Variants in MN1 observed in about 807,000 individuals in gnomAD.
MN1 encodes MN1 proto-oncogene, transcriptional regulator.
A neutral mutation model predicts 86.9 loss-of-function variants in MN1; 19 were observed. The observed-to-expected ratio is 0.22, with a 90% CI of 0.15 to 0.32. The LOEUF (loss-of-function observed/expected upper bound fraction) is 0.32, where lower values mean the gene tolerates loss of function less well. Ranked by LOEUF, MN1 falls within the 10% of genes least tolerant of loss-of-function variation. The probability of loss-of-function intolerance (pLI) is 1.00; values close to 1 mark genes in which losing one functional copy is unlikely to be tolerated. For missense variants in MN1, 1,841 were observed against 1,862.0 expected, an observed-to-expected ratio of 0.99 and a Z score of 0.21; for synonymous variants, 928 against 849.6, an observed-to-expected ratio of 1.09 and a Z score of -1.60.
chr22:27,776,206 G>A (rs1254260894), intron 1 of MN1, among the ~76,000 whole-genome samples: 1 of 152,194 alleles, frequency 6.6e-6, no homozygotes, highest in Non-Finnish European at 1.5e-5. Context: ...CTCTTCCTGG[G>A]GGAGGCTCTG....
chr22:27,751,177 G>C, intron 1 of MN1, 81 bp from the exon 2 acceptor site: 1 of 1,280,566 alleles, frequency 7.8e-7, no homozygotes, highest in South Asian at 1.6e-5. Flanking sequence ...AAGTGGCAGA[G>C]GCATACAAGA....
At position 27,800,897 on chromosome 22, in the gene MN1, G is replaced by T; in HGVS notation, c.-354C>A. The T allele has an allele frequency of 7.5e-6, 3 of 399,332 alleles. No individual in the cohort carries two copies. The highest frequency in any genetic ancestry group is 1.4e-5 in the Non-Finnish European group (3 of 216,938). 24.7% of individuals were successfully genotyped at this position (399,332 alleles called of 1,614,324 possible). A position where few individuals can be genotyped will look rare whatever the true frequency, so the allele number is the denominator to read the frequency against. ...ACGGAGACAAAAAGTTAAGTGGGGG[G>T]AATGGGGAGGGAAGGGGGTTGGGAG... is the stretch of plus-strand genomic sequence containing the variant. On this transcript the variant is annotated 5_prime_UTR_variant, in exon 1 of 2. Coordinates refer to ENST00000302326, the MANE Select transcript of MN1 (RefSeq NM_002430.3).
chr22:27,753,953 A>G (rs1480556021), intron 1 of MN1, among the ~76,000 whole-genome samples: 1 of 152,070 alleles, frequency 6.6e-6, no homozygotes, highest in Non-Finnish European at 1.5e-5. Flanking sequence ...CCACAGAGAG[A>G]GAGAAAGAGA....
intron 1 of MN1, among the ~76,000 whole-genome samples, chr22:27,753,959 A>G (rs1932786238): frequency 6.6e-6 from 1 of 150,898 alleles, no homozygotes; most frequent in Admixed American, 6.6e-5. Flanking sequence ...AGAGAGAGAA[A>G]GAGAGAAAAT....
Position 27,799,876 on chromosome 22 carries a change from G to T in MN1, c.668C>A (p.Thr223Lys), listed in dbSNP as rs1199706307. The stretch of plus-strand genomic sequence containing the variant: ...CAGCGAGTCGACGGCTCCTTGGTTC[G>T]TCACCCTCCGTGGCTCCAGACTGTG... ...DSHSLEPRRV[T>K]NQGAVDSLEY... Residue 223 changes from threonine (T) to lysine (K), a missense_variant, in exon 1 of 2, where the codon ACG (threonine) becomes AAG (lysine). By Grantham distance (78) the Thr-to-Lys change is moderately conservative. Transcript: ENST00000302326. The T allele has an allele frequency of 6.2e-7, 1 of 1,602,448 alleles. No individual in the cohort carries two copies. Among genetic ancestry groups the T allele is most frequent in the Admixed American group, 1.7e-5 (1 of 59,002 alleles).
chr22:27,754,066 G>A (rs116650392), intron 1 of MN1, among the ~76,000 whole-genome samples: 2,263 of 152,216 alleles, frequency 0.015, 63 homozygotes, highest in African/African-American at 0.051. Flanking sequence ...AACAAACTCC[G>A]AGGGATGAAG....
rs766043866 is a variant in MN1, at chr22:27,797,409, G to A, written c.3135C>T (p.Ala1045=). The A allele has an allele frequency of 3.1e-6, 5 of 1,611,716 alleles. No individual in the cohort carries two copies. Among genetic ancestry groups the A allele is most frequent in the Non-Finnish European group, 4.2e-6 (5 of 1,179,672 alleles). Reference sequence around the variant, plus strand: ...CGTAGCTCGTGCTCACCTCGTCCGAGGCGAACTCACCCACGTTTGGCGAAC... The same window carrying A: ...CGTAGCTCGTGCTCACCTCGTCCGAAGCGAACTCACCCACGTTTGGCGAAC... The part of the protein sequence containing the change: ...DSSSPNVGEF[A]SDEVSTSYAN... The change falls in exon 1 of 2, where the codon GCC becomes GCT. Residue 1045 remains alanine, a synonymous_variant. Coordinates refer to ENST00000302326, the MANE Select transcript of MN1 (RefSeq NM_002430.3).
intron 1 of MN1, among the ~76,000 whole-genome samples, chr22:27,782,303 G>A (rs955028663): frequency 1.3e-5 from 2 of 152,190 alleles, no homozygotes; most frequent in Admixed American, 6.5e-5. Context: ...TGCTGACGCA[G>A]GGGCAGTGGG....
chr22:27,801,004 G>A lies in MN1; in HGVS notation c.-461C>T. On this transcript the variant is annotated 5_prime_UTR_variant, in exon 1 of 2. Transcript: ENST00000302326. ...CCGCCCGCAGCCTCCCGGAGTCCGT[G>A]GCAGAGCTGCTAAGGGCAGGGGAGG... The A allele has an allele frequency of 1.0e-5, 3 of 292,772 alleles. No individual in the cohort carries two copies. The South Asian group carries it at 1.9e-4, about 18-fold the overall frequency. The allele number at this position is 292,772 out of a possible 1,614,324, so 18.1% of individuals were successfully genotyped here.
At chr22:27,769,570 T>TTTTTTTTTTTTTTTTA (rs1568974122) in intron 1 of MN1, among the ~76,000 whole-genome samples, 9 of 143,446 alleles carry the variant, frequency 6.3e-5, no homozygotes, top group South Asian at 4.7e-4. Flanking sequence ...TTTTTTTTTT[T>TTTTTTTTTTTTTTTTA]GAGACAGAGT....
In MN1 at chr22:27,797,240, C is replaced by A; in HGVS notation, c.3304G>T (p.Ala1102Ser). 6.4e-7 allele frequency: 1 copy of A among 1,570,036 alleles called. No individual in the cohort carries two copies. Among genetic ancestry groups the A allele is most frequent in the African/African-American group, 1.3e-5 (1 of 74,408 alleles). Reference sequence around the variant, plus strand: ...TTAGACATGATGCCCAGGCCGAGGGCGGGCGGGGGCGCCTTCGGTCCGTGT... The same window carrying A: ...TTAGACATGATGCCCAGGCCGAGGGAGGGCGGGGGCGCCTTCGGTCCGTGT... ...GEHGPKAPPP[A>S]LGLGIMSNST... The change falls in exon 1 of 2, where the codon GCC becomes TCC. Residue 1102 changes from alanine (A) to serine (S), a missense_variant. Transcript: ENST00000302326.
intron 1 of MN1, among the ~76,000 whole-genome samples, chr22:27,783,118 A>T (rs898403930): frequency 6.7e-6 from 1 of 149,040 alleles, no homozygotes; most frequent in African/African-American, 2.5e-5. Context: ...CAACCAGGGG[A>T]TGTACGTCGT....
At chr22:27,776,763 G>A (rs975119961) in intron 1 of MN1, among the ~76,000 whole-genome samples, 2 of 152,084 alleles carry the variant, frequency 1.3e-5, no homozygotes, top group Admixed American at 1.3e-4. Flanking sequence ...TCGGGCGGAC[G>A]CCACATACCA....
rs57257445 is a variant in MN1, at chr22:27,785,056, C to CCACACACACACA, written c.3781+11695_3781+11706dup. 3.7e-3 allele frequency among the ~76,000 whole-genome samples: 542 copies of CCACACACACACA among 144,910 alleles called. 1 individual carries two copies. Among genetic ancestry groups the CCACACACACACA allele is most frequent in the East Asian group, 0.014 (67 of 4,856 alleles). ...ATATAGATGTGCGTGCTGGCATCCGCCACACACACACACACACACACACAC... is the reference window on the plus strand; with the variant it reads ...ATATAGATGTGCGTGCTGGCATCCGCCACACACACACACACACACACACACACACACACACAC... On this transcript the variant is annotated intron_variant, in intron 1 of 1. Coordinates refer to ENST00000302326, the MANE Select transcript of MN1 (RefSeq NM_002430.3).
chr22:27,763,254 C>G (rs535737289), intron 1 of MN1, among the ~76,000 whole-genome samples: 152 of 152,274 alleles, frequency 1.0e-3, no homozygotes, highest in African/African-American at 3.5e-3. Flanking sequence ...GGGTGGAGGT[C>G]CTATGGAGCA....
intron 1 of MN1, among the ~76,000 whole-genome samples, chr22:27,753,185 G>C (rs1010997107): frequency 6.6e-6 from 1 of 152,186 alleles, no homozygotes; most frequent in African/African-American, 2.4e-5. Context: ...CCTTTATTGA[G>C]GACCTTCTAT....
chr22:27,781,463 G>T (rs1307869998), intron 1 of MN1, among the ~76,000 whole-genome samples: 1 of 152,112 alleles, frequency 6.6e-6, no homozygotes, highest in Admixed American at 6.5e-5. Flanking sequence ...GCCCTGGGGG[G>T]GGCAATATTG....
At position 27,797,663 on chromosome 22, in the gene MN1, T is replaced by C; in HGVS notation, c.2881A>G (p.Lys961Glu). ...CCGCTGTCCGGAGCCGCCGAGTACT[T>C]GTCAAAGAAGGTGCCAGGGCTCACG... is the stretch of plus-strand genomic sequence containing the variant. ...GHVSPGTFFD[K>E]YSAAPDSGGA... is the part of the protein sequence containing the mutation. Residue 961 changes from lysine (K) to glutamate (E), a missense_variant, in exon 1 of 2, where the codon AAG (lysine) becomes GAG (glutamate). By Grantham distance (56) the Lys-to-Glu change is moderately conservative. Coordinates refer to ENST00000302326, the MANE Select transcript of MN1 (RefSeq NM_002430.3). The C allele has an allele frequency of 6.2e-7, 1 of 1,605,032 alleles. No individual in the cohort carries two copies. The highest frequency in any genetic ancestry group is 8.5e-7 in the Non-Finnish European group (1 of 1,176,292).
chr22:27,801,000 C>A lies in MN1; in HGVS notation c.-457G>T. 1 of 295,536 alleles carries A rather than the reference C, an allele frequency of 3.4e-6. No homozygotes were observed. The highest frequency in any genetic ancestry group is 6.4e-6 in the Non-Finnish European group (1 of 156,076). 18.3% of individuals were successfully genotyped at this position (295,536 alleles called of 1,614,324 possible). The stretch of plus-strand genomic sequence containing the variant: ...GACGCCGCCCGCAGCCTCCCGGAGT[C>A]CGTGGCAGAGCTGCTAAGGGCAGGG... On this transcript the variant is annotated 5_prime_UTR_variant, in exon 1 of 2. Transcript: ENST00000302326.
Sources: gnomAD v4.1 joint callset for allele counts (sites outside exome capture counted in the v4.1 genomes callset) on GRCh38, gnomAD v4.1.1 for gene constraint, MANE v1.5 for transcripts, NCBI Gene and HGNC (gene_info 2026-07-23, HGNC 2026-07-21) for gene names.